The following DLG2 variants were observed in gnomAD, a reference collection of about 807,000 sequenced individuals.
DLG2 encodes the protein discs large MAGUK scaffold protein 2, also known as disks large homolog 2.
DLG2 carries 45 observed loss-of-function variants against 132.5 expected under a neutral mutation model. The observed-to-expected ratio is 0.34, with a 90% confidence interval of 0.27 to 0.44. DLG2 has a LOEUF of 0.44. Among genes scored for constraint, DLG2 ranks in the 20% least tolerant of loss-of-function variants. The probability of loss-of-function intolerance (pLI) is 1.00; values close to 1 mark genes in which losing one functional copy is unlikely to be tolerated. For missense variants in DLG2, 1,045 were observed against 1,196.9 expected, an observed-to-expected ratio of 0.87 and a Z score of 1.87; for synonymous variants, 424 against 419.6, an observed-to-expected ratio of 1.01 and a Z score of -0.13.
chr11:83,619,442 A>G (rs2061322529), intron 19 of DLG2, among the ~76,000 whole-genome samples: 1 of 152,226 alleles, frequency 6.6e-6, no homozygotes, highest in Non-Finnish European at 1.5e-5. Flanking sequence ...TTGGCATAGG[A>G]CAGAATTGAG....
chr11:85,004,241 G>A (rs1317338777), intron 6 of DLG2, among the ~76,000 whole-genome samples: 1 of 152,154 alleles, frequency 6.6e-6, no homozygotes, highest in Admixed American at 6.5e-5. Flanking sequence ...ACCCAGTAAT[G>A]GGATTGCTGA....
At chr11:85,280,112 C>T (rs1004265061) in intron 4 of DLG2, among the ~76,000 whole-genome samples, 2 of 151,664 alleles carry the variant, frequency 1.3e-5, no homozygotes, top group African/African-American at 2.4e-5. Flanking sequence ...TTTTTCAAAG[C>T]ATATATATAT....
chr11:85,330,792 T>TAAAAAAAAAAAAAAAAAAAA (rs56995757), intron 3 of DLG2, among the ~76,000 whole-genome samples: 7 of 116,462 alleles, frequency 6.0e-5, no homozygotes, highest in South Asian at 2.8e-4. Context: ...AAAAAAAAAT[T>TAAAAAAAAAAAAAAAAAAAA]AAAAAAAAAA....
intron 18 of DLG2, among the ~76,000 whole-genome samples, chr11:83,700,711 A>C (rs933961837): frequency 6.7e-6 from 1 of 149,122 alleles, no homozygotes; most frequent in African/African-American, 2.5e-5. Context: ...GGATTAATTG[A>C]AAATGCCACA....
At chr11:83,679,521 T>C (rs1282899209) in intron 18 of DLG2, among the ~76,000 whole-genome samples, 1 of 152,164 alleles carries the variant, frequency 6.6e-6, no homozygotes, top group Non-Finnish European at 1.5e-5. Context: ...AGAAAGGTAA[T>C]AACCCTGTTT....
At chr11:83,998,713 T>C (rs1215310972) in intron 11 of DLG2, among the ~76,000 whole-genome samples, 1 of 151,886 alleles carries the variant, frequency 6.6e-6, no homozygotes, top group East Asian at 1.9e-4. Flanking sequence ...AGAAGGGAGG[T>C]TGCACTGGGT....
intron 7 of DLG2, among the ~76,000 whole-genome samples, chr11:84,362,755 C>A (rs951330129): frequency 1.3e-5 from 2 of 151,816 alleles, no homozygotes; most frequent in African/African-American, 4.8e-5. Context: ...TGAGAATGTG[C>A]GGTGTTTGGT....
chr11:85,616,117 AT>A (rs1192709938), intron 2 of DLG2, among the ~76,000 whole-genome samples: 2 of 152,194 alleles, frequency 1.3e-5, no homozygotes, highest in Non-Finnish European at 2.9e-5. Flanking sequence ...TAAAAGCTAG[AT>A]TCCAATCCTG....
Position 84,639,214 on chromosome 11 carries a change from CTA to C in DLG2, c.358-104485_358-104484del, listed in dbSNP as rs145171630. On this transcript the variant is annotated intron_variant, in intron 6 of 27. Coordinates refer to ENST00000376104, the MANE Select transcript of DLG2 (RefSeq NM_001142699.3). Reference sequence around the variant, plus strand: ...AGTTGCTTATTTTTGACATTTTGGTCTAATATAATCTGAGTGTTATTTTTTGA... The same window carrying C: ...AGTTGCTTATTTTTGACATTTTGGTCATATAATCTGAGTGTTATTTTTTGA... Among the ~76,000 whole-genome samples the C allele has an allele frequency of 1.4e-3, 212 of 152,022 alleles. 1 individual carries two copies. The highest frequency in any genetic ancestry group is 4.6e-3 in the African/African-American group (190 of 41,478).
intron 3 of DLG2, among the ~76,000 whole-genome samples, chr11:85,493,397 T>A (rs1215095299): frequency 6.6e-6 from 1 of 152,202 alleles, no homozygotes; most frequent in Non-Finnish European, 1.5e-5. Flanking sequence ...ACTAAGTCTC[T>A]GCTTAAATGT....
intron 6 of DLG2, among the ~76,000 whole-genome samples, chr11:85,066,841 G>A (rs2065003825): frequency 6.6e-6 from 1 of 151,732 alleles, no homozygotes; most frequent in Admixed American, 6.6e-5. Context: ...ATGGGGAAAA[G>A]TTGAAAGCAT....
chr11:84,146,532 A>G (rs2095089914), intron 9 of DLG2, among the ~76,000 whole-genome samples: 2 of 152,160 alleles, frequency 1.3e-5, no homozygotes, highest in African/African-American at 2.4e-5. Context: ...AGAATTTAGA[A>G]AAAGAAATTA....
chr11:84,490,104 C>A (rs1040282357), intron 7 of DLG2, among the ~76,000 whole-genome samples: 1 of 152,122 alleles, frequency 6.6e-6, no homozygotes, highest in African/African-American at 2.4e-5. Flanking sequence ...AGAACACAAG[C>A]TCATTCCCAG....
intron 2 of DLG2, among the ~76,000 whole-genome samples, chr11:85,606,815 A>G (rs1234673159): frequency 6.6e-6 from 1 of 152,062 alleles, no homozygotes; most frequent in Non-Finnish European, 1.5e-5. Flanking sequence ...GCCACCTTTA[A>G]GAGCTGTAAC....
chr11:83,579,567 G>T (rs2096935111), intron 19 of DLG2, among the ~76,000 whole-genome samples: 1 of 151,906 alleles, frequency 6.6e-6, no homozygotes, highest in Non-Finnish European at 1.5e-5. Context: ...TCTTTAATAA[G>T]CATGTCTAAA....
chr11:83,558,340 CTTA>C (rs1197197853), intron 19 of DLG2, among the ~76,000 whole-genome samples: 1 of 151,910 alleles, frequency 6.6e-6, no homozygotes, highest in Non-Finnish European at 1.5e-5. Flanking sequence ...AAACTTTTAT[CTTA>C]TTATCTTCTG....
At chr11:84,618,239 T>C (rs903665435) in intron 6 of DLG2, among the ~76,000 whole-genome samples, 4 of 151,900 alleles carry the variant, frequency 2.6e-5, no homozygotes, top group African/African-American at 9.7e-5. Flanking sequence ...TCTTGATGCT[T>C]TTACTAAAGG....
chr11:84,068,405 C>G (rs2096710001), intron 10 of DLG2, among the ~76,000 whole-genome samples: 1 of 152,204 alleles, frequency 6.6e-6, no homozygotes, highest in Non-Finnish European at 1.5e-5. Context: ...TGTTATCTCC[C>G]TTAGCTCATT....
In DLG2 at chr11:83,466,679, G is replaced by A. The variant is rs753349121; in HGVS notation, c.2729+29C>T. On this transcript the variant is annotated intron_variant, in intron 26 of 27. Transcript: ENST00000376104. ...ATAATACAGAACAGGGAGTCAGTTG[G>A]ATGAAGGCCTCCAATGCCCTCTACT... 3 of 1,302,152 alleles carry A rather than the reference G, an allele frequency of 2.3e-6. No individual in the cohort carries two copies. In the South Asian group the frequency reaches 3.5e-5, roughly 15 times the overall value. 80.7% of individuals were successfully genotyped at this position (1,302,152 alleles called of 1,614,324 possible). A position where few individuals can be genotyped will look rare whatever the true frequency, so the allele number is the denominator to read the frequency against.
Sources: gnomAD v4.1 joint callset for allele counts (sites outside exome capture counted in the v4.1 genomes callset) on GRCh38, gnomAD v4.1.1 for gene constraint, MANE v1.5 for transcripts, NCBI Gene and HGNC (gene_info 2026-07-23, HGNC 2026-07-21) for gene names.